MPP7: variants seen among roughly 807,000 people sequenced by gnomAD.
MPP7 encodes MAGUK p55 subfamily member 7.
Under a neutral mutation model 76.5 loss-of-function variants are expected in MPP7, and 60 were observed. The observed-to-expected ratio is 0.78, with a 90% CI of 0.64 to 0.97. MPP7 has a LOEUF of 0.97. Ranked by LOEUF, MPP7 falls within the 50% of genes least tolerant of loss-of-function variation. The probability of loss-of-function intolerance (pLI) is 0.00; values close to 1 mark genes in which losing one functional copy is unlikely to be tolerated. For missense variants in MPP7, 641 were observed against 694.0 expected, an observed-to-expected ratio of 0.92 and a Z score of 0.86; for synonymous variants, 237 against 244.5, an observed-to-expected ratio of 0.97 and a Z score of 0.29.
At chr10:28,128,078 A>G (rs1030264029) in intron 6 of MPP7, among the ~76,000 whole-genome samples, 2 of 152,166 alleles carry the variant, frequency 1.3e-5, no homozygotes, top group African/African-American at 2.4e-5. Flanking sequence ...TATGTGCTTT[A>G]TGAGTCACTG....
intron 1 of MPP7, among the ~76,000 whole-genome samples, chr10:28,248,404 C>T (rs1033796831): frequency 7.2e-5 from 11 of 152,102 alleles, no homozygotes; most frequent in Non-Finnish European, 8.8e-5. Context: ...GATGTAAACG[C>T]CAAGCAGGAG....
At chr10:28,253,143 T>C (rs566891167) in intron 1 of MPP7, among the ~76,000 whole-genome samples, 1 of 152,018 alleles carries the variant, frequency 6.6e-6, no homozygotes, top group East Asian at 1.9e-4. Context: ...CCTGACCTCG[T>C]GATCTACCCT....
intron 3 of MPP7, among the ~76,000 whole-genome samples, chr10:28,167,128 T>C (rs768366826): frequency 3.9e-5 from 6 of 152,006 alleles, no homozygotes; most frequent in Non-Finnish European, 7.4e-5. Context: ...CTGGCCAACA[T>C]GGCAAAACCC....
intron 16 of MPP7, among the ~76,000 whole-genome samples, chr10:28,055,799 AAATT>A (rs1851530604): frequency 6.6e-6 from 1 of 152,208 alleles, no homozygotes; most frequent in African/African-American, 2.4e-5. Flanking sequence ...GCTGCTCTGA[AAATT>A]AATTGGTCTA....
chr10:28,206,918 T>C (rs1232815150), intron 2 of MPP7, among the ~76,000 whole-genome samples: 1 of 152,104 alleles, frequency 6.6e-6, no homozygotes, highest in Non-Finnish European at 1.5e-5. Context: ...TTTGCAACGT[T>C]TTTTTTCTCC....
At chr10:28,099,814 A>T (rs182824113) in intron 11 of MPP7, among the ~76,000 whole-genome samples, 3 of 152,210 alleles carry the variant, frequency 2.0e-5, no homozygotes, top group South Asian at 4.1e-4. Context: ...TCTCCCAAAA[A>T]AAAAAATAAA....
At chr10:28,231,910 A>G (rs2134113286) in intron 2 of MPP7, among the ~76,000 whole-genome samples, 1 of 152,344 alleles carries the variant, frequency 6.6e-6, no homozygotes, top group Non-Finnish European at 1.5e-5. Context: ...TAAAGAATGA[A>G]AAAGTGAAAT....
chr10:28,090,774 A>C (rs1193756181), intron 11 of MPP7, among the ~76,000 whole-genome samples: 1 of 152,206 alleles, frequency 6.6e-6, no homozygotes, highest in Non-Finnish European at 1.5e-5. Flanking sequence ...ACTCCAGGGG[A>C]TGGAATAAAT....
chr10:28,249,906 CA>C (rs1839558533), intron 1 of MPP7, among the ~76,000 whole-genome samples: 1 of 151,880 alleles, frequency 6.6e-6, no homozygotes, highest in Admixed American at 6.6e-5. Flanking sequence ...ATGTCCTCTT[CA>C]ACTTTTGTGC....
intron 1 of MPP7, among the ~76,000 whole-genome samples, chr10:28,332,932 G>A (rs1040648625): frequency 6.6e-6 from 1 of 151,972 alleles, no homozygotes. Context: ...CAAAGTGCTG[G>A]GATTACAGGC....
intron 11 of MPP7, among the ~76,000 whole-genome samples, chr10:28,095,176 TATAC>T (rs1853503352): frequency 1.6e-5 from 2 of 128,602 alleles, no homozygotes; most frequent in Non-Finnish European, 3.2e-5. Context: ...ACATATCTGA[TATAC>T]ATACACACAT....
chr10:28,190,170 C>T (rs1261123386), intron 3 of MPP7, among the ~76,000 whole-genome samples: 1 of 151,934 alleles, frequency 6.6e-6, no homozygotes, highest in East Asian at 1.9e-4. Context: ...CATCAAAAGA[C>T]ATAAAGCAAA....
intron 1 of MPP7, among the ~76,000 whole-genome samples, chr10:28,271,407 T>C (rs1463334688): frequency 6.6e-6 from 1 of 152,236 alleles, no homozygotes; most frequent in African/African-American, 2.4e-5. Context: ...AGCTTGTTGG[T>C]ATGCCAATCA....
chr10:28,239,295 G>A (rs955808041), intron 1 of MPP7, among the ~76,000 whole-genome samples: 38 of 151,420 alleles, frequency 2.5e-4, no homozygotes, highest in African/African-American at 8.2e-4. Context: ...ACAGGGGCCC[G>A]CCACCAAGCC....
chr10:28,172,786 C>G (rs545598049), intron 3 of MPP7, among the ~76,000 whole-genome samples: 1 of 152,262 alleles, frequency 6.6e-6, no homozygotes, highest in South Asian at 2.1e-4. Flanking sequence ...ATAAATTAGT[C>G]TTATTCTCAA....
At chr10:28,149,344 C>T (rs778785786) in intron 4 of MPP7, among the ~76,000 whole-genome samples, 4 of 152,270 alleles carry the variant, frequency 2.6e-5, no homozygotes, top group Admixed American at 1.3e-4. Flanking sequence ...TCAATTCATC[C>T]GAGTCCGAAA....
At chr10:28,181,632 G>A (rs1837063065) in intron 3 of MPP7, among the ~76,000 whole-genome samples, 2 of 152,344 alleles carry the variant, frequency 1.3e-5, no homozygotes, top group Admixed American at 1.3e-4. Flanking sequence ...AAGTTATTCA[G>A]TTTCCTTTAA....
intron 3 of MPP7, among the ~76,000 whole-genome samples, chr10:28,190,781 A>C (rs1837387576): frequency 6.6e-6 from 1 of 152,216 alleles, no homozygotes; most frequent in South Asian, 2.1e-4. Context: ...GAAGAAAAGA[A>C]ATCAGACAAT....
At chr10:28,119,608 A>G in intron 11 of MPP7, 43 bp downstream of exon 11, 1 of 1,526,682 alleles carries the variant, frequency 6.6e-7, no homozygotes, top group South Asian at 1.1e-5. Context: ...TCAAAAATAA[A>G]CATCAGGGTT....
Sources: allele counts gnomAD v4.1 joint callset (sites outside exome capture counted in the v4.1 genomes callset), GRCh38; gene constraint gnomAD v4.1.1; transcripts MANE v1.5; gene names NCBI Gene and HGNC (gene_info 2026-07-23, HGNC 2026-07-21).